Variants in KCNH5 observed in about 807,000 individuals in gnomAD.
KCNH5 encodes the protein voltage-gated delayed rectifier potassium channel KCNH5.
Under a neutral mutation model 96.1 loss-of-function variants are expected in KCNH5, and 46 were observed. The observed-to-expected ratio is 0.48, with a 90% CI of 0.38 to 0.61. The LOEUF is 0.61. Among genes scored for constraint, KCNH5 ranks in the 20% least tolerant of loss-of-function variants. The pLI, the probability that KCNH5 is intolerant of heterozygous loss-of-function variation, is 0.00. For missense variants in KCNH5, 907 were observed against 1,225.8 expected, an observed-to-expected ratio of 0.74 and a Z score of 3.88; for synonymous variants, 439 against 449.8, an observed-to-expected ratio of 0.98 and a Z score of 0.30.
intron 8 of KCNH5, among the ~76,000 whole-genome samples, chr14:62,829,589 GT>G (rs1399783908): frequency 6.6e-6 from 1 of 152,178 alleles, no homozygotes; most frequent in Non-Finnish European, 1.5e-5. Context: ...CATGGCTGGA[GT>G]TGGAGTATCT....
chr14:62,967,586 A>T (rs1207775104), intron 6 of KCNH5, among the ~76,000 whole-genome samples: 1 of 152,144 alleles, frequency 6.6e-6, no homozygotes, highest in African/African-American at 2.4e-5. Context: ...CATATTCTTT[A>T]TAAGTTAGTG....
chr14:62,814,639 C>T (rs1024190925), intron 8 of KCNH5, among the ~76,000 whole-genome samples: 3 of 151,268 alleles, frequency 2.0e-5, no homozygotes, highest in Non-Finnish European at 2.9e-5. Context: ...AAAAATTAGC[C>T]GGGTGTGGTG....
At chr14:62,934,628 G>T (rs2140118407) in intron 7 of KCNH5, among the ~76,000 whole-genome samples, 1 of 152,206 alleles carries the variant, frequency 6.6e-6, no homozygotes, top group East Asian at 1.9e-4. Context: ...TCCTCTCACT[G>T]AAACAGTGGC....
At chr14:62,875,379 G>A (rs563927679) in intron 7 of KCNH5, among the ~76,000 whole-genome samples, 49 of 152,130 alleles carry the variant, frequency 3.2e-4, no homozygotes, top group African/African-American at 1.1e-3. Flanking sequence ...AGCCCGCATC[G>A]CCAAGTCAAT....
At chr14:62,962,041 G>A (rs1488617540) in intron 6 of KCNH5, among the ~76,000 whole-genome samples, 1 of 151,854 alleles carries the variant, frequency 6.6e-6, no homozygotes, top group East Asian at 1.9e-4. Context: ...AGATGCAGAT[G>A]GAGACGGAGA....
At chr14:62,935,215 T>A (rs559606634) in intron 7 of KCNH5, among the ~76,000 whole-genome samples, 2 of 152,330 alleles carry the variant, frequency 1.3e-5, no homozygotes. Context: ...TCTGGAGAAC[T>A]AGTATGGTTT....
intron 10 of KCNH5, among the ~76,000 whole-genome samples, chr14:62,764,132 T>C (rs1885811412): frequency 6.6e-6 from 1 of 152,064 alleles, no homozygotes; most frequent in Non-Finnish European, 1.5e-5. Context: ...CTCAACAAAA[T>C]ACTAGCAAAC....
At chr14:63,039,451 T>C (rs1427352172) in intron 1 of KCNH5, among the ~76,000 whole-genome samples, 1 of 152,034 alleles carries the variant, frequency 6.6e-6, no homozygotes, top group Admixed American at 6.6e-5. Flanking sequence ...ATTAAAGCAC[T>C]GTTATGAACT....
Position 62,702,540 on chromosome 14 carries a change from C to T in KCNH5, c.*4968G>A, listed in dbSNP as rs1884363974. 1.3e-5 allele frequency: 2 copies of T among 151,950 alleles called. No individual in the cohort carries two copies. Among genetic ancestry groups the T allele is most frequent in the African/African-American group, 2.4e-5 (1 of 41,406 alleles). The allele number at this position is 151,950 out of a possible 1,614,324, so 9.4% of individuals were successfully genotyped here. A position where few individuals can be genotyped will look rare whatever the true frequency, so the allele number is the denominator to read the frequency against. ...TCCTGGACAAGTTCCTTAACCTATA[C>T]CTTCATGGGGTTGCTGCAAGAATTA... On this transcript the variant is annotated 3_prime_UTR_variant, in exon 11 of 11. Transcript: ENST00000322893.
At chr14:62,998,839 T>G (rs929679400) in intron 4 of KCNH5, among the ~76,000 whole-genome samples, 1 of 152,240 alleles carries the variant, frequency 6.6e-6, no homozygotes, top group Non-Finnish European at 1.5e-5. Flanking sequence ...TTTTTAAATT[T>G]ATTAAGGTAG....
At chr14:62,836,655 A>G (rs138197476) in intron 8 of KCNH5, among the ~76,000 whole-genome samples, 1 of 152,308 alleles carries the variant, frequency 6.6e-6, no homozygotes, top group African/African-American at 2.4e-5. Context: ...TAAAAGGATA[A>G]AAGAATCTCC....
intron 7 of KCNH5, among the ~76,000 whole-genome samples, chr14:62,853,669 A>T (rs1247277134): frequency 6.6e-6 from 1 of 151,206 alleles, no homozygotes; most frequent in African/African-American, 2.4e-5. Context: ...CTTCTCCATG[A>T]TCCTCACTTG....
chr14:63,009,530 C>T (rs956736232), intron 2 of KCNH5, among the ~76,000 whole-genome samples: 2 of 152,080 alleles, frequency 1.3e-5, no homozygotes, highest in Non-Finnish European at 2.9e-5. Flanking sequence ...ATTTATTATA[C>T]CGCATATTTC....
At chr14:62,812,677 G>A (rs372124946) in intron 8 of KCNH5, among the ~76,000 whole-genome samples, 3 of 152,116 alleles carry the variant, frequency 2.0e-5, no homozygotes, top group Admixed American at 1.3e-4. Context: ...GTCAAAGAAA[G>A]AAGGCTTTAT....
intron 7 of KCNH5, among the ~76,000 whole-genome samples, chr14:62,922,897 A>T (rs1008490964): frequency 3.9e-5 from 6 of 151,942 alleles, no homozygotes; most frequent in Non-Finnish European, 8.8e-5. Context: ...AAGAATGCCC[A>T]TTCTCACCAC....
intron 5 of KCNH5, 147 bp from the exon 6 acceptor site, chr14:62,981,411 A>G (rs1890605098): frequency 2.7e-6 from 2 of 729,870 alleles, no homozygotes; most frequent in Non-Finnish European, 4.4e-6. Context: ...AAATTTGTTC[A>G]GAGGAAGTCA....
intron 1 of KCNH5, among the ~76,000 whole-genome samples, chr14:63,031,178 C>A (rs896841305): frequency 2.0e-5 from 3 of 151,910 alleles, no homozygotes; most frequent in Non-Finnish European, 4.4e-5. Context: ...GCCTCCCTGT[C>A]TAAGACTTTC....
intron 10 of KCNH5, among the ~76,000 whole-genome samples, chr14:62,753,818 A>G (rs1455936330): frequency 6.6e-6 from 1 of 152,216 alleles, no homozygotes; most frequent in Non-Finnish European, 1.5e-5. Flanking sequence ...CATAAATACC[A>G]TATCTGTCCT....
chr14:62,853,464 T>TATATATATATATATATC (rs1555360156), intron 7 of KCNH5, among the ~76,000 whole-genome samples: 2 of 122,856 alleles, frequency 1.6e-5, no homozygotes, highest in African/African-American at 6.4e-5. Flanking sequence ...ATCATATATA[T>TATATATATATATATATC]ATATATATAT....
Sources: gnomAD v4.1 joint callset for allele counts (sites outside exome capture counted in the v4.1 genomes callset) on GRCh38, gnomAD v4.1.1 for gene constraint, MANE v1.5 for transcripts, NCBI Gene and HGNC (gene_info 2026-07-23, HGNC 2026-07-21) for gene names.